Variants in FGGY observed in about 807,000 individuals in gnomAD.
The protein encoded by FGGY is FGGY carbohydrate kinase domain containing.
A neutral mutation model predicts 71.3 loss-of-function variants in FGGY; 72 were observed. That is an observed-to-expected ratio of 1.01 (90% CI 0.84 to 1.23). FGGY has a LOEUF of 1.23. Among genes scored for constraint, FGGY ranks in the 50% most tolerant of loss-of-function variants. The pLI is 0.00. For missense variants in FGGY, 668 were observed against 682.3 expected (o/e 0.98, Z 0.23); for synonymous variants, 251 against 250.3 (o/e 1.00, Z -0.02).
intron 8 of FGGY, among the ~76,000 whole-genome samples, chr1:59,571,700 A>G (rs1249841017): frequency 6.6e-6 from 1 of 152,216 alleles, no homozygotes; most frequent in Non-Finnish European, 1.5e-5. Flanking sequence ...GAATCAACTC[A>G]AATTTCATCA....
intron 9 of FGGY, among the ~76,000 whole-genome samples, chr1:59,616,267 A>T (rs1306782022): frequency 6.6e-6 from 1 of 152,258 alleles, no homozygotes; most frequent in East Asian, 1.9e-4. Context: ...TGGATTAAGA[A>T]AATGTGGCAC....
chr1:59,410,078 T>C lies in FGGY; in HGVS notation c.554+31241T>C, dbSNP rs116659841. 2.9e-3 allele frequency among the ~76,000 whole-genome samples: 448 copies of C among 152,302 alleles called. 3 individuals carry two copies. The highest frequency in any genetic ancestry group is 0.01 in the African/African-American group (429 of 41,564). ...TCCTTATTAAGAGGAAGGCCATTGG[T>C]ATGAGGCCACTTGAAATAGACATGG... On this transcript the variant is annotated intron_variant, in intron 5 of 15. Transcript: ENST00000303721.
intron 11 of FGGY, among the ~76,000 whole-genome samples, chr1:59,642,342 C>G (rs970610476): frequency 2.0e-5 from 3 of 152,194 alleles, no homozygotes; most frequent in Non-Finnish European, 2.9e-5. Flanking sequence ...AAGAGCAAAT[C>G]ACGGCTGTGT....
intron 14 of FGGY, among the ~76,000 whole-genome samples, chr1:59,692,131 A>G (rs751704482): frequency 1.3e-5 from 2 of 152,238 alleles, no homozygotes; most frequent in Admixed American, 6.5e-5. Context: ...GTTAAGTGCT[A>G]TAAAGGAAAA....
chr1:59,638,298 C>G lies in FGGY; in HGVS notation c.1144C>G (p.Leu382Val). 6.2e-7 allele frequency: 1 copy of G among 1,614,206 alleles called. No homozygotes were observed. The highest frequency in any genetic ancestry group is 1.1e-5 in the South Asian group (1 of 91,078). Residue 382 changes from leucine (L) to valine (V), a missense_variant, in exon 11 of 16, where the codon CTT becomes GTT. Coordinates refer to ENST00000303721, the MANE Select transcript of FGGY (RefSeq NM_018291.5). ...LIKKAQPVGF[L>V]TVDLHVWPDF... is the part of the protein sequence containing the mutation. ...TAAGAAGGCTCAGCCTGTGGGTTTC[C>G]TTACTGTTGATTTACATGTTTGGCC...
chr1:59,660,793 A>G (rs995879679), intron 12 of FGGY, among the ~76,000 whole-genome samples: 13 of 152,218 alleles, frequency 8.5e-5, no homozygotes, highest in Middle Eastern at 3.2e-3. Flanking sequence ...TAAATCTGAA[A>G]TGTTAGGAGT....
intron 5 of FGGY, among the ~76,000 whole-genome samples, chr1:59,417,223 C>T (rs773941498): frequency 1.1e-4 from 17 of 152,016 alleles, no homozygotes; most frequent in Non-Finnish European, 2.5e-4. Context: ...ATAATTTTTT[C>T]AGGGTTCATC....
chr1:59,651,081 T>A (rs2097154679), intron 11 of FGGY, among the ~76,000 whole-genome samples: 1 of 151,648 alleles, frequency 6.6e-6, no homozygotes, highest in Non-Finnish European at 1.5e-5. Flanking sequence ...TTCTTAATCC[T>A]GAGTTCTAGT....
chr1:59,389,283 G>A (rs2060428453), intron 5 of FGGY, among the ~76,000 whole-genome samples: 1 of 152,086 alleles, frequency 6.6e-6, no homozygotes. Flanking sequence ...CTATGAATTT[G>A]CCTATTCCAG....
At chr1:59,756,001 C>CT (rs2101815555) in intron 14 of FGGY, 1 of 152,358 alleles carries the variant, frequency 6.6e-6, no homozygotes, top group African/African-American at 2.4e-5. Flanking sequence ...GAGACCATCT[C>CT]AACAATACCC....
chr1:59,508,710 A>G (rs753772162), intron 6 of FGGY, among the ~76,000 whole-genome samples: 5 of 152,278 alleles, frequency 3.3e-5, no homozygotes, highest in South Asian at 2.1e-4. Flanking sequence ...CTTGGAGTCC[A>G]GATAGCCTAT....
chr1:59,587,198 C>G (rs1273676350), intron 8 of FGGY, among the ~76,000 whole-genome samples: 3 of 152,204 alleles, frequency 2.0e-5, no homozygotes, highest in Non-Finnish European at 2.9e-5. Context: ...ATTGCTAGCA[C>G]AGCAGTCTGA....
At chr1:59,421,513 C>G (rs994562757) in intron 5 of FGGY, among the ~76,000 whole-genome samples, 1 of 145,330 alleles carries the variant, frequency 6.9e-6, no homozygotes, top group Non-Finnish European at 1.5e-5. Context: ...CTCTCTCCCT[C>G]TCTCCTTTTC....
chr1:59,449,999 A>G (rs1023212340), intron 5 of FGGY, among the ~76,000 whole-genome samples: 10 of 152,134 alleles, frequency 6.6e-5, no homozygotes, highest in African/African-American at 2.2e-4. Flanking sequence ...TTTAAACTCC[A>G]TATAGTTGGG....
chr1:59,450,365 AT>A (rs913245841), intron 5 of FGGY, among the ~76,000 whole-genome samples: 1 of 147,790 alleles, frequency 6.8e-6, no homozygotes, highest in Non-Finnish European at 1.5e-5. Flanking sequence ...TTTAAATTCA[AT>A]TTTTTTAAAG....
chr1:59,439,718 C>T (rs2069307769), intron 5 of FGGY, among the ~76,000 whole-genome samples: 1 of 152,144 alleles, frequency 6.6e-6, no homozygotes, highest in South Asian at 2.1e-4. Context: ...TAGTTCTCTT[C>T]CTAAAGATGG....
chr1:59,383,719 A>G (rs879416972), intron 5 of FGGY, among the ~76,000 whole-genome samples: 10 of 152,222 alleles, frequency 6.6e-5, no homozygotes, highest in Admixed American at 6.5e-4. Flanking sequence ...TAACCCAGAC[A>G]TTCTTTTCTA....
intron 5 of FGGY, among the ~76,000 whole-genome samples, chr1:59,444,348 G>A (rs764758079): frequency 1.2e-4 from 18 of 152,230 alleles, no homozygotes; most frequent in Admixed American, 3.3e-4. Context: ...TACATATAAT[G>A]CATAGTGATC....
At chr1:59,742,126 T>C (rs372467811) in intron 14 of FGGY, among the ~76,000 whole-genome samples, 2 of 152,142 alleles carry the variant, frequency 1.3e-5, no homozygotes, top group South Asian at 2.1e-4. Flanking sequence ...AAATCCCTTC[T>C]TCTGCCTATC....
Sources: allele counts gnomAD v4.1 joint callset (sites outside exome capture counted in the v4.1 genomes callset), GRCh38; gene constraint gnomAD v4.1.1; transcripts MANE v1.5; gene names NCBI Gene and HGNC (gene_info 2026-07-23, HGNC 2026-07-21).